The following CDK20 variants were observed in gnomAD, a reference collection of about 807,000 sequenced individuals.
The protein encoded by CDK20 is cyclin-dependent kinase 20.
A neutral mutation model predicts 38.6 loss-of-function variants in CDK20; 40 were observed. The observed-to-expected ratio is 1.04, with a 90% CI of 0.81 to 1.35. The LOEUF (loss-of-function observed/expected upper bound fraction) is 1.35, where lower values mean the gene tolerates loss of function less well. Ranked by LOEUF, CDK20 falls within the 40% of genes most tolerant of loss-of-function variation. CDK20 has a pLI of 0.00. For synonymous variants in CDK20, 209 were observed against 185.7 expected, an observed-to-expected ratio of 1.13 and a Z score of -1.02; for missense variants, 512 against 452.6, an observed-to-expected ratio of 1.13 and a Z score of -1.19.
rs771171435 is a variant in CDK20, at chr9:87,970,917, C to T, written c.379-20G>A. 8.7e-6 allele frequency: 14 copies of T among 1,613,984 alleles called. No individual in the cohort carries two copies. The Admixed American group carries it at 2.2e-4, about 25-fold the overall frequency. On this transcript the variant is annotated intron_variant, in intron 3 of 7. Coordinates refer to ENST00000325303, the MANE Select transcript of CDK20 (RefSeq NM_001039803.3). Reference sequence around the variant, plus strand: ...CAGGTCCTGGGAGTACCAAAAGAAGCATCAGTCCCTCCAAATCCCCCATAG... The same window carrying T: ...CAGGTCCTGGGAGTACCAAAAGAAGTATCAGTCCCTCCAAATCCCCCATAG...
chr9:87,969,328 A>T lies in CDK20; in HGVS notation c.709T>A (p.Tyr237Asn). 1 of 1,613,996 alleles carries T rather than the reference A, an allele frequency of 6.2e-7. No individual in the cohort carries two copies. The highest frequency in any genetic ancestry group is 8.5e-7 in the Non-Finnish European group (1 of 1,179,948). The change falls in exon 7 of 8, where the codon TAC becomes AAC. Residue 237 changes from tyrosine to asparagine, a missense_variant. Physicochemically the swap from Tyr to Asn is moderately radical, Grantham distance 143. Transcript: ENST00000325303. ...VWPELTELPD[Y>N]NKISFKEQVP... ...TGCTCCTTAAAGGAGATCTTGTTGTAGTCCGGCAGCTCAGTGAGCTCCTGG... is the reference window on the plus strand; with the variant it reads ...TGCTCCTTAAAGGAGATCTTGTTGTTGTCCGGCAGCTCAGTGAGCTCCTGG...
chr9:87,967,708 G>GTCCCCAGCCTCAAGCA, intron 7 of CDK20, 49 bp from the exon 8 acceptor site: 1 of 1,422,030 alleles, frequency 7.0e-7, no homozygotes, highest in Non-Finnish European at 9.3e-7. Context: ...TCACCTCCCT[G>GTCCCCAGCCTCAAGCA]TCCCCAGCCT....
Position 87,967,785 on chromosome 9 carries a change from ACT to A in CDK20, c.844-128_844-127del, listed in dbSNP as rs1829534491. The A allele has an allele frequency of 6.4e-6, 5 of 783,302 alleles. 1 individual carries two copies. The allele number at this position is 783,302 out of a possible 1,614,324, so 48.5% of individuals were successfully genotyped here. A position where few individuals can be genotyped will look rare whatever the true frequency, so the allele number is the denominator to read the frequency against. ...GTGTCTGGGTGTTTTCTGAGTGTCT[ACT>A]ATGTCTGAAGCACTATTCCAGAAGC... On this transcript the variant is annotated intron_variant, in intron 7 of 7. Transcript: ENST00000325303.
intron 7 of CDK20, chr9:87,967,906 A>C (rs1353332343): frequency 2.2e-6 from 1 of 446,552 alleles, no homozygotes; most frequent in African/African-American, 2.0e-5. Context: ...TAAAATACAC[A>C]GTATGTCAGA....
At chr9:87,972,507 G>A (rs1829931235) in intron 2 of CDK20, among the ~76,000 whole-genome samples, 1 of 152,182 alleles carries the variant, frequency 6.6e-6, no homozygotes, top group African/African-American at 2.4e-5. Flanking sequence ...TGTGTTGAAT[G>A]AGAGAAAAGG....
chr9:87,967,946 C>A, intron 7 of CDK20: 1 of 286,714 alleles, frequency 3.5e-6, no homozygotes, highest in Non-Finnish European at 6.5e-6. Flanking sequence ...AGAGAGAAAG[C>A]AAGACAGAGG....
Position 87,972,211 on chromosome 9 carries a change from A to T in CDK20, c.190-876T>A, listed in dbSNP as rs145245217. Among the ~76,000 whole-genome samples, 22 of 150,804 alleles carry T rather than the reference A, an allele frequency of 1.5e-4. No homozygotes were observed. The East Asian group carries it at 3.5e-3, about 24-fold the overall frequency. On this transcript the variant is annotated intron_variant, in intron 2 of 7. Coordinates refer to ENST00000325303, the MANE Select transcript of CDK20 (RefSeq NM_001039803.3). ...CAGAGTGAGACCCTGTATCAAAAAAAGAAAAAAAATCAACAGAACTAGAAG... is the reference window on the plus strand; with the variant it reads ...CAGAGTGAGACCCTGTATCAAAAAATGAAAAAAAATCAACAGAACTAGAAG...
Position 87,971,130 on chromosome 9 carries a change from C to T in CDK20, c.378+17G>A. 6.2e-7 allele frequency: 1 copy of T among 1,610,464 alleles called. No individual in the cohort carries two copies. The highest frequency in any genetic ancestry group is 1.1e-5 in the South Asian group (1 of 90,830). ...TCAGCTCCCCAGACCCCATGCCCGG[C>T]CTATGCTGAGACTGACCCGATGTAC... On this transcript the variant is annotated intron_variant, in intron 3 of 7. Transcript: ENST00000325303.
chr9:87,969,495 C>G, intron 6 of CDK20, 146 bp from the exon 7 acceptor site: 1 of 893,608 alleles, frequency 1.1e-6, no homozygotes. Flanking sequence ...CATTCATTCA[C>G]TCACCCACCC....
chr9:87,970,099 GC>G, intron 5 of CDK20, 180 bp from the exon 6 acceptor site: 1 of 606,606 alleles, frequency 1.6e-6, no homozygotes. Flanking sequence ...CCAGAGCAAA[GC>G]CCCAGCTGTT....
Position 87,967,349 on chromosome 9 carries a change from T to C in CDK20, c.*113A>G, listed in dbSNP as rs202186776. On this transcript the variant is annotated 3_prime_UTR_variant, in exon 8 of 8. Coordinates refer to ENST00000325303, the MANE Select transcript of CDK20 (RefSeq NM_001039803.3). ...AAGGGCTAAGGGGCAGGGTGTGGTG[T>C]GGGCCCACTGTGGCCATGGGGAGGC... is the stretch of plus-strand genomic sequence containing the variant. 4 of 1,033,452 alleles carry C rather than the reference T, an allele frequency of 3.9e-6. No individual in the cohort carries two copies. The highest frequency in any genetic ancestry group is 5.9e-6 in the Non-Finnish European group (4 of 676,152). 64.0% of individuals were successfully genotyped at this position (1,033,452 alleles called of 1,614,324 possible). A position where few individuals can be genotyped will look rare whatever the true frequency, so the allele number is the denominator to read the frequency against.
At chr9:87,972,342 A>G (rs894027123) in intron 2 of CDK20, among the ~76,000 whole-genome samples, 2 of 152,210 alleles carry the variant, frequency 1.3e-5, no homozygotes, top group African/African-American at 4.8e-5. Context: ...AGCTCTGAGC[A>G]GGAAGAAAAG....
chr9:87,969,837 C>T lies in CDK20; in HGVS notation c.646G>A (p.Val216Met), dbSNP rs760742770. The T allele has an allele frequency of 1.2e-5, 19 of 1,613,228 alleles. No individual in the cohort carries two copies. The highest frequency in any genetic ancestry group is 8.9e-5 in the East Asian group (4 of 44,866). Residue 216 changes from valine (V) to methionine (M), a missense_variant, in exon 6 of 8, where the codon GTG (valine) becomes ATG (methionine). Val to Met is a conservative substitution (Grantham distance 21). Coordinates refer to ENST00000325303, the MANE Select transcript of CDK20 (RefSeq NM_001039803.3). ...GKNDIEQLCY[V>M]LRILGTPNPQ... is the part of the protein sequence containing the mutation. ...TTTGGGGTGCCCAAGATGCGAAGCA[C>T]ATAGCAAAGCTGTTCAATATCGTTC...
At chr9:87,967,905 C>T (rs911319224) in intron 7 of CDK20, 7 of 447,818 alleles carry the variant, frequency 1.6e-5, no homozygotes, top group East Asian at 3.6e-5. Flanking sequence ...GTAAAATACA[C>T]AGTATGTCAG....
Position 87,967,355 on chromosome 9 carries a change from C to T in CDK20, c.*107G>A, listed in dbSNP as rs1829502912. 1 of 1,101,404 alleles carries T rather than the reference C, an allele frequency of 9.1e-7. No homozygotes were observed. Among genetic ancestry groups the T allele is most frequent in the Non-Finnish European group, 1.4e-6 (1 of 737,674 alleles). 68.2% of individuals were successfully genotyped at this position (1,101,404 alleles called of 1,614,324 possible). ...TAAGGGGCAGGGTGTGGTGTGGGCC[C>T]ACTGTGGCCATGGGGAGGCCTTGGA... On this transcript the variant is annotated 3_prime_UTR_variant, in exon 8 of 8. Transcript: ENST00000325303.
At position 87,966,887 on chromosome 9, in the gene CDK20, C is replaced by T; in HGVS notation, c.*575G>A. ...ATGCCTGGTGCTACCCTCCCCATGACCCCAAAAACGAGAGCCATGAGACAA... is the reference window on the plus strand; with the variant it reads ...ATGCCTGGTGCTACCCTCCCCATGATCCCAAAAACGAGAGCCATGAGACAA... On this transcript the variant is annotated 3_prime_UTR_variant, in exon 8 of 8. Coordinates refer to ENST00000325303, the MANE Select transcript of CDK20 (RefSeq NM_001039803.3). 2.7e-6 allele frequency: 1 copy of T among 375,688 alleles called. No homozygotes were observed. Among genetic ancestry groups the T allele is most frequent in the Non-Finnish European group, 5.3e-6 (1 of 189,550 alleles). The allele number at this position is 375,688 out of a possible 1,614,324, so 23.3% of individuals were successfully genotyped here.
chr9:87,969,934 C>A lies in CDK20; in HGVS notation c.564-15G>T. ...AGCCCACAGACCTGTGGACACAGAGCCCCAAGCAGGTCAGAGATCTCCCAC... is the reference window on the plus strand; with the variant it reads ...AGCCCACAGACCTGTGGACACAGAGACCCAAGCAGGTCAGAGATCTCCCAC... On this transcript the variant is annotated splice_polypyrimidine_tract_variant and intron_variant, in intron 5 of 7. Coordinates refer to ENST00000325303, the MANE Select transcript of CDK20 (RefSeq NM_001039803.3). 6.5e-7 allele frequency: 1 copy of A among 1,542,458 alleles called. No homozygotes were observed. The highest frequency in any genetic ancestry group is 1.4e-5 in the African/African-American group (1 of 72,778).
At position 87,974,513 on chromosome 9, in the gene CDK20, C is replaced by G. The variant is rs1830096990; in HGVS notation, c.-67G>C. 3 of 1,441,888 alleles carry G rather than the reference C, an allele frequency of 2.1e-6. No individual in the cohort carries two copies. The highest frequency in any genetic ancestry group is 1.2e-5 in the South Asian group (1 of 80,266). 89.3% of individuals were successfully genotyped at this position (1,441,888 alleles called of 1,614,324 possible). ...TCCAAACTCCACTTCTCCTCCACCCCACGCTGATCTGAGCTCGCACGCTGT... is the reference window on the plus strand; with the variant it reads ...TCCAAACTCCACTTCTCCTCCACCCGACGCTGATCTGAGCTCGCACGCTGT... On this transcript the variant is annotated 5_prime_UTR_variant, in exon 1 of 8. Transcript: ENST00000325303.
In CDK20 at chr9:87,971,827, A is replaced by G. The variant is rs979403310; in HGVS notation, c.190-492T>C. 3.9e-5 allele frequency among the ~76,000 whole-genome samples: 6 copies of G among 152,198 alleles called. 1 individual carries two copies. On this transcript the variant is annotated intron_variant, in intron 2 of 7. Transcript: ENST00000325303. ...AGTGAGCTGAGAGACAGGACTCTTA[A>G]TGAACTCACAGCACAAAGGACAAAC...
Sources: gnomAD v4.1 joint callset for allele counts (sites outside exome capture counted in the v4.1 genomes callset) on GRCh38, gnomAD v4.1.1 for gene constraint, MANE v1.5 for transcripts, NCBI Gene and HGNC (gene_info 2026-07-23, HGNC 2026-07-21) for gene names.